The following NHS variants were observed in gnomAD, a reference collection of about 807,000 sequenced individuals.
NHS encodes NHS actin remodeling regulator.
A neutral mutation model predicts 72.5 loss-of-function variants in NHS; 5 were observed. The observed-to-expected ratio is 0.07, with a 90% CI of 0.04 to 0.14. The LOEUF is 0.14. NHS is among the 10% of genes least tolerant of loss of function. The pLI, the probability that NHS is intolerant of heterozygous loss-of-function variation, is 1.00. For missense variants in NHS, 1,072 were observed against 1,355.7 expected (o/e 0.79, Z 3.29); for synonymous variants, 464 against 547.7 (o/e 0.85, Z 2.13).
intron 1 of NHS, among the ~76,000 whole-genome samples, chrX:17,519,817 ATCATCATCATCG>A (rs2065138922): frequency 9.0e-6 from 1 of 110,521 alleles, no homozygotes; most frequent in Non-Finnish European, 1.9e-5. Flanking sequence ...TGTACCTCCC[ATCATCATCATCG>A]TCATCATCAT....
rs2066426846 is a variant in NHS, at chrX:17,724,171, C to G, written c.1109-128C>G. 4 of 829,492 alleles carry G rather than the reference C, an allele frequency of 4.8e-6. No homozygotes were observed. The Admixed American group carries it at 9.1e-5, about 19-fold the overall frequency. 68.4% of individuals were successfully genotyped at this position (829,492 alleles called of 1,213,427 possible). A position where few individuals can be genotyped will look rare whatever the true frequency, so the allele number is the denominator to read the frequency against. On this transcript the variant is annotated intron_variant, in intron 5 of 8. Coordinates refer to ENST00000676302, the MANE Select transcript of NHS (RefSeq NM_001291867.2). ...TAAATAAGAGCTGAATAACAGCTCCCTTATATTTGTTCACAGGCTTAACCC... is the reference window on the plus strand; with the variant it reads ...TAAATAAGAGCTGAATAACAGCTCCGTTATATTTGTTCACAGGCTTAACCC...
chrX:17,464,320 T>C (rs1569259955), intron 1 of NHS, among the ~76,000 whole-genome samples: 1 of 111,664 alleles, frequency 9.0e-6, no homozygotes, highest in Non-Finnish European at 1.9e-5. Flanking sequence ...CTCTCAGAGA[T>C]CAAGGAGATG....
intron 8 of NHS, among the ~76,000 whole-genome samples, chrX:17,731,257 C>A (rs1250631750): frequency 1.5e-5 from 1 of 65,129 alleles, no homozygotes; most frequent in Non-Finnish European, 2.6e-5. Context: ...TTTTTTGAGG[C>A]AGAGTCTTGC....
chrX:17,477,577 A>G (rs1375959443), intron 1 of NHS, among the ~76,000 whole-genome samples: 1 of 112,301 alleles, frequency 8.9e-6, no homozygotes, highest in Non-Finnish European at 1.9e-5. Context: ...GGCTTATGTT[A>G]CTGTGTTGGG....
At chrX:17,634,192 T>C in intron 1 of NHS, among the ~76,000 whole-genome samples, 1 of 112,250 alleles carries the variant, frequency 8.9e-6, no homozygotes, top group Middle Eastern at 4.6e-3. Context: ...CCAGCCAGAC[T>C]TTCTGTTGAT....
In NHS at chrX:17,375,932, C is replaced by T. The variant is rs1307119256; in HGVS notation, c.175C>T (p.Arg59Cys). The change falls in exon 1 of 9, where the codon CGC becomes TGC. Residue 59 changes from arginine to cysteine, a missense_variant. By Grantham distance (180) the Arg-to-Cys change is radical. Coordinates refer to ENST00000676302, the MANE Select transcript of NHS (RefSeq NM_001291867.2). ...GGCGCCAGGGCCAGAGGAGCCAGCC[C>T]GCGCCGTCCCTGCACCTTCAGGGCT... ...VEAPGPEEPARAVPAPSGLPP... is the reference protein window; with the variant it reads ...VEAPGPEEPACAVPAPSGLPP... 1 of 1,092,347 alleles carries T rather than the reference C, an allele frequency of 9.2e-7. No individual in the cohort carries two copies. Among genetic ancestry groups the T allele is most frequent in the Non-Finnish European group, 1.2e-6 (1 of 843,469 alleles). The allele number at this position is 1,092,347 out of a possible 1,213,427, so 90.0% of individuals were successfully genotyped here.
At chrX:17,611,629 G>A (rs764292866) in intron 1 of NHS, among the ~76,000 whole-genome samples, 7 of 110,501 alleles carry the variant, frequency 6.3e-5, no homozygotes, top group East Asian at 2.8e-4. Context: ...AATTATCATC[G>A]ACAGGTAGGT....
intron 1 of NHS, among the ~76,000 whole-genome samples, chrX:17,480,675 G>A (rs1259720980): frequency 9.0e-6 from 1 of 111,443 alleles, no homozygotes; most frequent in African/African-American, 3.3e-5. Flanking sequence ...AAACCATGAC[G>A]TTTTAATTAA....
At chrX:17,442,840 G>T (rs917774804) in intron 1 of NHS, among the ~76,000 whole-genome samples, 1 of 112,400 alleles carries the variant, frequency 8.9e-6, no homozygotes, top group Admixed American at 9.4e-5. Flanking sequence ...AGTTATTCCC[G>T]TGTTTTCTGC....
At chrX:17,717,500 G>C (rs1469646522) in intron 3 of NHS, among the ~76,000 whole-genome samples, 1 of 112,498 alleles carries the variant, frequency 8.9e-6, no homozygotes, top group African/African-American at 3.2e-5. Flanking sequence ...CTATAATAGA[G>C]GCCCAGCTGA....
At chrX:17,594,793 T>C (rs1279436350) in intron 1 of NHS, among the ~76,000 whole-genome samples, 1 of 112,486 alleles carries the variant, frequency 8.9e-6, no homozygotes, top group East Asian at 2.8e-4. Flanking sequence ...CTAAGCAAGT[T>C]TGTGGCCTTA....
At chrX:17,712,288 T>C (rs191576918) in intron 3 of NHS, among the ~76,000 whole-genome samples, 3,708 of 73,998 alleles carry the variant, frequency 0.05, 108 homozygotes, top group African/African-American at 0.09. Flanking sequence ...TATATATATA[T>C]ATACACACAC....
intron 1 of NHS, among the ~76,000 whole-genome samples, chrX:17,545,857 C>T (rs969636541): frequency 8.9e-6 from 1 of 112,116 alleles, no homozygotes; most frequent in Non-Finnish European, 1.9e-5. Flanking sequence ...GTTCCCATAT[C>T]AGTTGGGATT....
chrX:17,722,310 C>T (rs967583081), intron 5 of NHS, among the ~76,000 whole-genome samples: 4 of 111,807 alleles, frequency 3.6e-5, no homozygotes, highest in South Asian at 3.7e-4. Context: ...TAATCTTAGT[C>T]GTAAGTAAAA....
chrX:17,725,942 G>A lies in NHS; in HGVS notation c.1836G>A (p.Thr612=), dbSNP rs2066439813. Residue 612 remains threonine (T), a synonymous_variant, in exon 7 of 9, where the codon ACG becomes ACA. Coordinates refer to ENST00000676302, the MANE Select transcript of NHS (RefSeq NM_001291867.2). The part of the protein sequence containing the change: ...TFGSPIHCIS[T]AGVLLSSHMD... ...GGAGCCCCATCCACTGCATCTCCAC[G>A]GCTGGCGTCCTCCTTAGCAGCCACA... 8 of 1,211,501 alleles carry A rather than the reference G, an allele frequency of 6.6e-6. No homozygotes were observed. Among genetic ancestry groups the A allele is most frequent in the Non-Finnish European group, 8.9e-6 (8 of 895,452 alleles).
intron 1 of NHS, among the ~76,000 whole-genome samples, chrX:17,526,486 C>G (rs1272990841): frequency 8.9e-6 from 1 of 112,170 alleles, no homozygotes; most frequent in Non-Finnish European, 1.9e-5. Context: ...GGAACTCAGA[C>G]AGTGCCACTT....
intron 1 of NHS, among the ~76,000 whole-genome samples, chrX:17,394,899 G>A (rs1404162843): frequency 3.6e-5 from 4 of 111,456 alleles, no homozygotes; most frequent in Admixed American, 1.9e-4. Context: ...ACAATGTCAC[G>A]TTATTTCACA....
chrX:17,412,210 A>C, intron 1 of NHS, among the ~76,000 whole-genome samples: 1 of 108,875 alleles, frequency 9.2e-6, no homozygotes, highest in Middle Eastern at 4.7e-3. Flanking sequence ...GTATTCTTTT[A>C]TAATATATAT....
At chrX:17,712,629 C>T (rs2066341592) in intron 3 of NHS, among the ~76,000 whole-genome samples, 1 of 109,398 alleles carries the variant, frequency 9.1e-6, no homozygotes, top group African/African-American at 3.3e-5. Flanking sequence ...TCCCTCTCCA[C>T]AACCATTACC....
Sources: gnomAD v4.1 joint callset for allele counts (sites outside exome capture counted in the v4.1 genomes callset) on GRCh38, gnomAD v4.1.1 for gene constraint, MANE v1.5 for transcripts, NCBI Gene and HGNC (gene_info 2026-07-23, HGNC 2026-07-21) for gene names.